SRL: variants seen among roughly 807,000 people sequenced by gnomAD.
The protein encoded by SRL is sarcalumenin.
SRL carries 23 observed loss-of-function variants against 39.5 expected under a neutral mutation model. The ratio of observed to expected loss-of-function variants is 0.58; its 90% CI spans 0.42 to 0.82. SRL has a LOEUF of 0.82. Among genes scored for constraint, SRL ranks in the 40% least tolerant of loss-of-function variants. SRL has a pLI of 0.00. For synonymous variants in SRL, 272 were observed against 237.4 expected (o/e 1.15, Z -1.34); for missense variants, 592 against 607.8 (o/e 0.97, Z 0.27).
At chr16:4,233,951 C>G (rs191949790) in intron 1 of SRL, among the ~76,000 whole-genome samples, 28 of 152,286 alleles carry the variant, frequency 1.8e-4, no homozygotes, top group African/African-American at 6.3e-4. Flanking sequence ...CCCAATCTCT[C>G]CTCTCCTGCC....
In SRL at chr16:4,190,479, C is replaced by T. The variant is rs2052047740; in HGVS notation, c.*1674G>A. 2.5e-6 allele frequency: 1 copy of T among 398,742 alleles called. No individual in the cohort carries two copies. Among genetic ancestry groups the T allele is most frequent in the African/African-American group, 2.1e-5 (1 of 48,648 alleles). The allele number at this position is 398,742 out of a possible 1,614,324, so 24.7% of individuals were successfully genotyped here. A position where few individuals can be genotyped will look rare whatever the true frequency, so the allele number is the denominator to read the frequency against. On this transcript the variant is annotated 3_prime_UTR_variant, in exon 6 of 6. Coordinates refer to ENST00000399609, the MANE Select transcript of SRL (RefSeq NM_001098814.2). The stretch of plus-strand genomic sequence containing the variant: ...GCTGGGTCTCCTGGGCATGCACAGA[C>T]TGTGCACCATGCACATTTCACCATC...
chr16:4,220,948 T>G (rs1305900866), intron 1 of SRL, among the ~76,000 whole-genome samples: 1 of 152,168 alleles, frequency 6.6e-6, no homozygotes, highest in East Asian at 1.9e-4. Context: ...ATTGTGCCAC[T>G]GCGCTCCAGC....
chr16:4,205,593 T>C (rs1219565969), intron 1 of SRL, among the ~76,000 whole-genome samples: 1 of 151,622 alleles, frequency 6.6e-6, no homozygotes, highest in East Asian at 1.9e-4. Flanking sequence ...AGGTGACCAG[T>C]GGAGAGAAGC....
intron 1 of SRL, among the ~76,000 whole-genome samples, chr16:4,229,689 T>C (rs1471044909): frequency 6.6e-6 from 1 of 151,974 alleles, no homozygotes; most frequent in Non-Finnish European, 1.5e-5. Context: ...CTATGTTCAC[T>C]ATCTGGCTGA....
rs2052046593 is a variant in SRL at position 4,190,391 on chromosome 16, G to A, written c.*1762C>T. 7 of 398,852 alleles carry A rather than the reference G, an allele frequency of 1.8e-5. No individual in the cohort carries two copies. In the East Asian group the frequency reaches 2.5e-4, roughly 14 times the overall value. 24.7% of individuals were successfully genotyped at this position (398,852 alleles called of 1,614,324 possible). On this transcript the variant is annotated 3_prime_UTR_variant, in exon 6 of 6. Transcript: ENST00000399609. ...TCCTGCCTCGTGGGTAAGGCCCCCA[G>A]GACAGCTTGTTCCCAAGAGAAGCGG...
chr16:4,234,361 C>A (rs548699302), intron 1 of SRL, among the ~76,000 whole-genome samples: 5 of 152,170 alleles, frequency 3.3e-5, no homozygotes, highest in Non-Finnish European at 5.9e-5. Context: ...TCTGATTCTG[C>A]CACCTTCCCT....
chr16:4,201,018 G>C lies in SRL; in HGVS notation c.259+2148C>G, dbSNP rs142372320. On this transcript the variant is annotated intron_variant, in intron 3 of 5. Coordinates refer to ENST00000399609, the MANE Select transcript of SRL (RefSeq NM_001098814.2). The stretch of plus-strand genomic sequence containing the variant: ...CATTTTTAAATTGCATTGCTGTTGG[G>C]AAACAAGGACTCTCATCTACTGTTA... Among the ~76,000 whole-genome samples, 60 of 152,188 alleles carry C rather than the reference G, an allele frequency of 3.9e-4. 1 individual carries two copies. The highest frequency in any genetic ancestry group is 1.4e-3 in the African/African-American group (58 of 41,512).
At chr16:4,213,535 C>T (rs111430922) in intron 1 of SRL, among the ~76,000 whole-genome samples, 3,799 of 150,622 alleles carry the variant, frequency 0.025, 139 homozygotes, top group African/African-American at 0.084. Context: ...TCAGCTCCCC[C>T]AAACAGCTGG....
At chr16:4,232,992 T>C (rs2141068873) in intron 1 of SRL, among the ~76,000 whole-genome samples, 1 of 152,308 alleles carries the variant, frequency 6.6e-6, no homozygotes, top group African/African-American at 2.4e-5. Context: ...AGCCCAGAAC[T>C]CCAGGCCAGA....
At chr16:4,223,315 C>T (rs1435102429) in intron 1 of SRL, among the ~76,000 whole-genome samples, 1 of 151,252 alleles carries the variant, frequency 6.6e-6, no homozygotes, top group African/African-American at 2.4e-5. Flanking sequence ...AAGAAAAGTA[C>T]CATTCCTAGG....
intron 1 of SRL, among the ~76,000 whole-genome samples, chr16:4,222,987 T>C (rs1170711034): frequency 6.6e-6 from 1 of 152,012 alleles, no homozygotes; most frequent in Non-Finnish European, 1.5e-5. Context: ...CCCAGCACTT[T>C]GGGAGGCTGA....
intron 5 of SRL, among the ~76,000 whole-genome samples, chr16:4,195,350 A>C (rs11076820): frequency 0.51 from 77,106 of 151,554 alleles, 19,803 homozygotes; most frequent in South Asian, 0.62. Context: ...GCACATGCGA[A>C]CATGCCTGGC....
intron 1 of SRL, among the ~76,000 whole-genome samples, chr16:4,230,381 ATTTT>A (rs5815199): frequency 7.2e-6 from 1 of 138,840 alleles, no homozygotes; most frequent in African/African-American, 2.7e-5. Context: ...TCAGAATGTG[ATTTT>A]TTTTTTTTTT....
intron 1 of SRL, among the ~76,000 whole-genome samples, chr16:4,225,999 T>C (rs576903592): frequency 6.6e-6 from 1 of 152,262 alleles, no homozygotes; most frequent in Admixed American, 6.5e-5. Context: ...CCTCTGTGCT[T>C]GCTTTGCTTT....
intron 1 of SRL, among the ~76,000 whole-genome samples, chr16:4,210,794 T>A (rs1168934869): frequency 6.6e-6 from 1 of 152,138 alleles, no homozygotes. Flanking sequence ...CATATCTCTA[T>A]TTTTACAGAT....
At chr16:4,208,468 C>T (rs778638074) in intron 1 of SRL, among the ~76,000 whole-genome samples, 4 of 152,078 alleles carry the variant, frequency 2.6e-5, no homozygotes, top group South Asian at 2.1e-4. Context: ...GAAAGTTGGG[C>T]GAGCCCTTCC....
Position 4,190,763 on chromosome 16 carries a change from G to A in SRL, c.*1390C>T, listed in dbSNP as rs867989424. On this transcript the variant is annotated 3_prime_UTR_variant, in exon 6 of 6. Transcript: ENST00000399609. ...TCAATGTTAAGCCTTGGTGGCCACCGACACCGAGTGGCTGGTGCTGGTTCT... is the reference window on the plus strand; with the variant it reads ...TCAATGTTAAGCCTTGGTGGCCACCAACACCGAGTGGCTGGTGCTGGTTCT... The A allele has an allele frequency of 3.2e-5, 10 of 310,906 alleles. No individual in the cohort carries two copies. In the South Asian group the frequency reaches 1.1e-3, roughly 35 times the overall value. 19.3% of individuals were successfully genotyped at this position (310,906 alleles called of 1,614,324 possible).
rs771692636 is a variant in SRL, at chr16:4,191,611, A to C, written c.*542T>G. ...GGCCGACAGAGCGAGACTCCGTCTC[A>C]AAAACACAAAAACAAACCCAGGTAT... On this transcript the variant is annotated 3_prime_UTR_variant, in exon 6 of 6. Coordinates refer to ENST00000399609, the MANE Select transcript of SRL (RefSeq NM_001098814.2). The C allele has an allele frequency of 6.5e-6, 1 of 153,042 alleles. No individual in the cohort carries two copies. The highest frequency in any genetic ancestry group is 1.5e-5 in the Non-Finnish European group (1 of 68,674). 9.5% of individuals were successfully genotyped at this position (153,042 alleles called of 1,614,324 possible). A position where few individuals can be genotyped will look rare whatever the true frequency, so the allele number is the denominator to read the frequency against.
chr16:4,219,422 CG>C (rs1245662895), intron 1 of SRL, among the ~76,000 whole-genome samples: 1 of 152,116 alleles, frequency 6.6e-6, no homozygotes, highest in Non-Finnish European at 1.5e-5. Context: ...AGGGCTGTGT[CG>C]GGGCAGCCAC....
Sources: allele counts gnomAD v4.1 joint callset (sites outside exome capture counted in the v4.1 genomes callset), GRCh38; gene constraint gnomAD v4.1.1; transcripts MANE v1.5; gene names NCBI Gene and HGNC (gene_info 2026-07-23, HGNC 2026-07-21).